The following UBE2G2 variants were observed in gnomAD, a reference collection of about 807,000 sequenced individuals.
UBE2G2 encodes the protein ubiquitin conjugating enzyme E2 G2.
In UBE2G2, 10 loss-of-function variants were observed where a neutral mutation model predicts 23.0. The ratio of observed to expected loss-of-function variants is 0.43; its 90% CI spans 0.27 to 0.74. The LOEUF (loss-of-function observed/expected upper bound fraction) is 0.74, where lower values mean the gene tolerates loss of function less well. Among genes scored for constraint, UBE2G2 ranks in the 30% least tolerant of loss-of-function variants. UBE2G2 has a pLI of 0.19. For missense variants in UBE2G2, 150 were observed against 218.3 expected (o/e 0.69, Z 1.97); for synonymous variants, 86 against 81.3 (o/e 1.06, Z -0.31).
intron 1 of UBE2G2, chr21:44,801,107 A>G (rs1219825345): frequency 1.3e-5 from 2 of 157,266 alleles, no homozygotes; most frequent in African/African-American, 4.8e-5. Flanking sequence ...AAAACGATGG[A>G]ATGCCGAGTG....
intron 1 of UBE2G2, among the ~76,000 whole-genome samples, chr21:44,797,439 G>A (rs1364242316): frequency 1.3e-5 from 2 of 152,152 alleles, no homozygotes; most frequent in South Asian, 2.1e-4. Flanking sequence ...TGAGAAGGCC[G>A]GGCGTGGTGG....
rs908616923 is a variant in UBE2G2 at position 44,779,473 on chromosome 21, C to T, written c.126-2056G>A. Reference sequence around the variant, plus strand: ...GCATGAGCTCTTGCTACTGGTACAACAGCCGCGCTGGAGAGGACAGTGCCC... The same window carrying T: ...GCATGAGCTCTTGCTACTGGTACAATAGCCGCGCTGGAGAGGACAGTGCCC... On this transcript the variant is annotated intron_variant, in intron 3 of 5. Coordinates refer to ENST00000345496, the MANE Select transcript of UBE2G2 (RefSeq NM_003343.6). 4.6e-5 allele frequency among the ~76,000 whole-genome samples: 7 copies of T among 151,958 alleles called. 1 individual carries two copies. The South Asian group carries it at 1.3e-3, about 27-fold the overall frequency.
chr21:44,779,609 TG>T (rs782379958), intron 3 of UBE2G2, among the ~76,000 whole-genome samples: 6 of 152,102 alleles, frequency 3.9e-5, no homozygotes, highest in South Asian at 2.1e-4. Context: ...AACACATTCC[TG>T]AAGCCCCGCC....
chr21:44,801,301 A>G (rs2083135164), intron 1 of UBE2G2: 1 of 1,025,388 alleles, frequency 9.8e-7, no homozygotes, highest in Non-Finnish European at 1.2e-6. Context: ...AGCTCCACCA[A>G]CGAGCCTTTC....
chr21:44,779,516 G>A (rs1276365630), intron 3 of UBE2G2, among the ~76,000 whole-genome samples: 6 of 138,666 alleles, frequency 4.3e-5, no homozygotes, highest in African/African-American at 5.7e-5. Context: ...TACCCCCCCC[G>A]GCCCACACTG....
intron 3 of UBE2G2, among the ~76,000 whole-genome samples, chr21:44,787,565 C>A (rs2083005635): frequency 1.3e-5 from 2 of 152,248 alleles, no homozygotes; most frequent in African/African-American, 4.8e-5. Context: ...GTCAAAATTT[C>A]ACACCTGAAG....
rs782810302 is a variant in UBE2G2 at position 44,801,696 on chromosome 21, C to G, written c.43+10G>C. On this transcript the variant is annotated intron_variant, in intron 1 of 5. Transcript: ENST00000345496. Reference sequence around the variant, plus strand: ...GGGACGCTGCTGACGGCCCGGGTCCCCAGACTCACGTTTGTACTCGGCCAT... The same window carrying G: ...GGGACGCTGCTGACGGCCCGGGTCCGCAGACTCACGTTTGTACTCGGCCAT... 10 of 1,514,446 alleles carry G rather than the reference C, an allele frequency of 6.6e-6. No homozygotes were observed. In the Middle Eastern group the frequency reaches 7.1e-4, roughly 107 times the overall value. The allele number at this position is 1,514,446 out of a possible 1,614,324, so 93.8% of individuals were successfully genotyped here. A position where few individuals can be genotyped will look rare whatever the true frequency, so the allele number is the denominator to read the frequency against.
intron 1 of UBE2G2, among the ~76,000 whole-genome samples, 180 bp from the exon 2 acceptor site, chr21:44,788,275 C>A (rs1485261986): frequency 6.7e-6 from 1 of 148,906 alleles, no homozygotes; most frequent in African/African-American, 2.5e-5. Context: ...AACAACTACA[C>A]AAAGTTTTTT....
Position 44,777,358 on chromosome 21 carries a change from A to G in UBE2G2, c.185T>C (p.Leu62Pro). 1 of 1,614,112 alleles carries G rather than the reference A, an allele frequency of 6.2e-7. No individual in the cohort carries two copies. The highest frequency in any genetic ancestry group is 1.3e-5 in the African/African-American group (1 of 75,032). ...GVFPAILSFP[L>P]DYPLSPPKMR... is the part of the protein sequence containing the mutation. ...CTTTGGGGGACTTAACGGGTAATCAAGTGGGAAACTCAGGATGGCAGGAAA... is the reference window on the plus strand; with the variant it reads ...CTTTGGGGGACTTAACGGGTAATCAGGTGGGAAACTCAGGATGGCAGGAAA... The change falls in exon 4 of 6, where the codon CTT (leucine) becomes CCT (proline). Residue 62 changes from leucine to proline, a missense_variant. Coordinates refer to ENST00000345496, the MANE Select transcript of UBE2G2 (RefSeq NM_003343.6).
At chr21:44,796,766 T>TC (rs1569302218) in intron 1 of UBE2G2, among the ~76,000 whole-genome samples, 1 of 152,214 alleles carries the variant, frequency 6.6e-6, no homozygotes, top group Non-Finnish European at 1.5e-5. Flanking sequence ...GGGCTGCCAC[T>TC]CCAAGTTCAT....
rs1296029310 is a variant in UBE2G2 at position 44,772,017 on chromosome 21, G to A, written c.386-528C>T. On this transcript the variant is annotated intron_variant, in intron 5 of 5. Coordinates refer to ENST00000345496, the MANE Select transcript of UBE2G2 (RefSeq NM_003343.6). The surrounding 1 kb of genome is among the most constrained non-coding windows in gnomAD (Gnocchi z 5.4). ...ATACCTGACCCACCCCCTAGCCAGC[G>A]GCACTGGCAGTCACTGCAGAACTGC... Among the ~76,000 whole-genome samples, 5 of 152,174 alleles carry A rather than the reference G, an allele frequency of 3.3e-5. No homozygotes were observed. Among genetic ancestry groups the A allele is most frequent in the African/African-American group, 1.2e-4 (5 of 41,434 alleles).
chr21:44,793,115 TC>T (rs2083057960), intron 1 of UBE2G2, among the ~76,000 whole-genome samples: 2 of 152,232 alleles, frequency 1.3e-5, no homozygotes, highest in African/African-American at 4.8e-5. Context: ...CTAGTCCCAT[TC>T]TTGTGTCTCA....
At chr21:44,801,437 C>G (rs967926508) in intron 1 of UBE2G2, 1 of 1,216,492 alleles carries the variant, frequency 8.2e-7, no homozygotes, top group East Asian at 3.4e-5. Context: ...AAAAAACAAG[C>G]CCGCAAAGAC....
intron 1 of UBE2G2, among the ~76,000 whole-genome samples, chr21:44,790,500 G>A (rs1182190335): frequency 4.6e-5 from 7 of 152,180 alleles, no homozygotes; most frequent in Admixed American, 1.3e-4. Flanking sequence ...GGTGTTGAGG[G>A]AGGAACCTAG....
intron 1 of UBE2G2, among the ~76,000 whole-genome samples, chr21:44,794,090 C>T (rs903394655): frequency 6.6e-6 from 1 of 152,094 alleles, no homozygotes; most frequent in African/African-American, 2.4e-5. Context: ...GACCTTAATC[C>T]AATCTGACTA....
chr21:44,789,871 T>A (rs1309309473), intron 1 of UBE2G2, among the ~76,000 whole-genome samples: 1 of 152,078 alleles, frequency 6.6e-6, no homozygotes, highest in African/African-American at 2.4e-5. Flanking sequence ...AGTTAGTGCC[T>A]TTATAAGAAG....
intron 1 of UBE2G2, among the ~76,000 whole-genome samples, chr21:44,793,463 G>T (rs1468324927): frequency 1.3e-5 from 2 of 152,206 alleles, no homozygotes; most frequent in Admixed American, 1.3e-4. Context: ...CCGGGTGTGC[G>T]CTGGCCTTCC....
intron 1 of UBE2G2, among the ~76,000 whole-genome samples, chr21:44,793,910 C>T (rs971904975): frequency 4.6e-5 from 7 of 152,158 alleles, no homozygotes; most frequent in East Asian, 1.9e-4. Flanking sequence ...AACAGAGGAC[C>T]AGTCAAATTA....
chr21:44,791,100 A>C (rs2083039802), intron 1 of UBE2G2, among the ~76,000 whole-genome samples: 1 of 152,170 alleles, frequency 6.6e-6, no homozygotes, highest in Non-Finnish European at 1.5e-5. Context: ...TGCCCTAGAG[A>C]TCTGTGGAAC....
Sources: gnomAD v4.1 joint callset for allele counts (sites outside exome capture counted in the v4.1 genomes callset) on GRCh38, gnomAD v4.1.1 for gene constraint, Gnocchi (gnomAD v3.1) non-coding constraint, MANE v1.5 for transcripts, NCBI Gene and HGNC (gene_info 2026-07-23, HGNC 2026-07-21) for gene names.